SH3GL3: variants seen among roughly 807,000 people sequenced by gnomAD.
SH3GL3 encodes SH3 domain containing GRB2 like 3, endophilin A3.
Under a neutral mutation model 47.7 loss-of-function variants are expected in SH3GL3, and 33 were observed. The ratio of observed to expected loss-of-function variants is 0.69; its 90% CI spans 0.52 to 0.92. SH3GL3 has a LOEUF of 0.92. Ranked by LOEUF, SH3GL3 falls within the 40% of genes least tolerant of loss-of-function variation. The pLI, the probability that SH3GL3 is intolerant of heterozygous loss-of-function variation, is 0.00. For missense variants in SH3GL3, 363 were observed against 417.8 expected (o/e 0.87, Z 1.14); for synonymous variants, 155 against 148.8 (o/e 1.04, Z -0.30).
chr15:83,555,860 T>C (rs888518774), intron 1 of SH3GL3, among the ~76,000 whole-genome samples: 1 of 152,246 alleles, frequency 6.6e-6, no homozygotes, highest in African/African-American at 2.4e-5. Context: ...TTCAACCTTG[T>C]TCATCATGTT....
At chr15:83,544,402 C>T (rs2044308849) in intron 1 of SH3GL3, among the ~76,000 whole-genome samples, 1 of 151,870 alleles carries the variant, frequency 6.6e-6, no homozygotes, top group Non-Finnish European at 1.5e-5. Context: ...AGAATGATTG[C>T]TGAGGAGAAG....
intron 1 of SH3GL3, among the ~76,000 whole-genome samples, chr15:83,473,649 G>C (rs1393325607): frequency 6.6e-6 from 1 of 151,502 alleles, no homozygotes; most frequent in Non-Finnish European, 1.5e-5. Flanking sequence ...CTGGGTTCAC[G>C]CCATTCTCCT....
At chr15:83,477,888 C>T (rs776711353) in intron 1 of SH3GL3, among the ~76,000 whole-genome samples, 11 of 152,088 alleles carry the variant, frequency 7.2e-5, no homozygotes, top group Non-Finnish European at 1.3e-4. Flanking sequence ...ACAAATATTA[C>T]TGGATTTATT....
intron 6 of SH3GL3, among the ~76,000 whole-genome samples, chr15:83,577,478 G>A (rs997404281): frequency 6.6e-6 from 1 of 152,102 alleles, no homozygotes; most frequent in Non-Finnish European, 1.5e-5. Flanking sequence ...GTGACTCACT[G>A]CAGCCTCGAC....
At chr15:83,617,454 ATC>A (rs1319377132) in intron 8 of SH3GL3, among the ~76,000 whole-genome samples, 14 of 152,202 alleles carry the variant, frequency 9.2e-5, no homozygotes, top group African/African-American at 3.4e-4. Context: ...AGGTGAGCAG[ATC>A]ACTTAAGGCC....
downstream of SH3GL3, among the ~76,000 whole-genome samples, chr15:83,623,196 A>G (rs1219833813): frequency 6.6e-6 from 1 of 152,208 alleles, no homozygotes; most frequent in Non-Finnish European, 1.5e-5. Context: ...CTTCTCTCAT[A>G]AGATCGTGCT....
intron 6 of SH3GL3, among the ~76,000 whole-genome samples, chr15:83,586,462 G>C (rs146026430): frequency 5.9e-5 from 9 of 152,146 alleles, no homozygotes; most frequent in Non-Finnish European, 1.2e-4. Flanking sequence ...ACGCATAGAG[G>C]GGACAGGGAA....
At chr15:83,520,403 T>C (rs2043156380) in intron 1 of SH3GL3, among the ~76,000 whole-genome samples, 1 of 152,214 alleles carries the variant, frequency 6.6e-6, no homozygotes, top group Admixed American at 6.5e-5. Context: ...CTGTCTCCCC[T>C]AAGGTGTAAT....
At chr15:83,533,378 G>A (rs564918441) in intron 1 of SH3GL3, among the ~76,000 whole-genome samples, 149 of 152,278 alleles carry the variant, frequency 9.8e-4, no homozygotes, top group African/African-American at 3.5e-3. Flanking sequence ...CTTTTCTATT[G>A]TAAAATGGCA....
chr15:83,577,751 GTC>G (rs1358493775), intron 6 of SH3GL3, among the ~76,000 whole-genome samples: 2 of 152,178 alleles, frequency 1.3e-5, no homozygotes, highest in Admixed American at 6.5e-5. Context: ...TTCAGAGGTT[GTC>G]TCTGAAGATT....
chr15:83,565,213 T>A lies in SH3GL3; in HGVS notation c.187+7T>A. On this transcript the variant is annotated splice_region_variant and intron_variant, in intron 3 of 8. Transcript: ENST00000427482. The stretch of plus-strand genomic sequence containing the variant: ...TATCTTCAGCCAAATCCAGGTAAAG[T>A]TGAAATATTCTCTTGTTCATTTGCT... The A allele has an allele frequency of 6.6e-7, 1 of 1,510,576 alleles. No individual in the cohort carries two copies. The highest frequency in any genetic ancestry group is 9.2e-7 in the Non-Finnish European group (1 of 1,087,872). 93.6% of individuals were successfully genotyped at this position (1,510,576 alleles called of 1,614,324 possible).
chr15:83,519,769 G>A (rs534149234), intron 1 of SH3GL3, among the ~76,000 whole-genome samples: 13 of 152,022 alleles, frequency 8.6e-5, no homozygotes, highest in African/African-American at 2.2e-4. Flanking sequence ...CTTCTTTTCC[G>A]TATATGGTAA....
intron 6 of SH3GL3, among the ~76,000 whole-genome samples, chr15:83,578,860 G>C (rs1368650580): frequency 6.6e-6 from 1 of 152,008 alleles, no homozygotes; most frequent in Non-Finnish European, 1.5e-5. Context: ...CTCCTTGTTG[G>C]GCCATATGGA....
At chr15:83,548,417 A>G (rs2044509424) in intron 1 of SH3GL3, among the ~76,000 whole-genome samples, 1 of 150,496 alleles carries the variant, frequency 6.6e-6, no homozygotes, top group African/African-American at 2.4e-5. Context: ...AAATGTGTAT[A>G]TATATAATAC....
chr15:83,509,267 C>T (rs930107063), intron 1 of SH3GL3, among the ~76,000 whole-genome samples: 3 of 152,200 alleles, frequency 2.0e-5, no homozygotes, highest in African/African-American at 4.8e-5. Context: ...CCTCATCTCA[C>T]GGAGTGAGGG....
At position 83,447,648 on chromosome 15, in the gene SH3GL3, C is replaced by A; in HGVS notation, c.45+70C>A. On this transcript the variant is annotated intron_variant, in intron 1 of 8. Coordinates refer to ENST00000427482, the MANE Select transcript of SH3GL3 (RefSeq NM_003027.5). The surrounding 1 kb of genome is among the most constrained non-coding windows in gnomAD (Gnocchi z 5.1). ...CTGCGGCCCCCCGAGGCTCCCGGGC[C>A]TTTGGGACTCCTGTTCCCTGAAGGG... 1 of 1,157,192 alleles carries A rather than the reference C, an allele frequency of 8.6e-7. No individual in the cohort carries two copies. Among genetic ancestry groups the A allele is most frequent in the African/African-American group, 1.6e-5 (1 of 62,006 alleles). 71.7% of individuals were successfully genotyped at this position (1,157,192 alleles called of 1,614,324 possible).
At chr15:83,510,002 G>A (rs1361129587) in intron 1 of SH3GL3, among the ~76,000 whole-genome samples, 1 of 152,060 alleles carries the variant, frequency 6.6e-6, no homozygotes, top group Non-Finnish European at 1.5e-5. Context: ...TGCTAGATTC[G>A]AAGCGAATAT....
intron 1 of SH3GL3, among the ~76,000 whole-genome samples, chr15:83,557,990 TC>T (rs199745838): frequency 0.033 from 5,000 of 152,312 alleles, 111 homozygotes; most frequent in Non-Finnish European, 0.05. Context: ...CTTATATTTT[TC>T]CTATTAAATA....
In SH3GL3 at chr15:83,587,019, G is replaced by A. The variant is rs1408190657; in HGVS notation, c.661G>A (p.Ala221Thr). 1 of 1,610,460 alleles carries A rather than the reference G, an allele frequency of 6.2e-7. No homozygotes were observed. Among genetic ancestry groups the A allele is most frequent in the Non-Finnish European group, 8.5e-7 (1 of 1,178,498 alleles). Residue 221 changes from alanine (A) to threonine (T), a missense_variant, in exon 7 of 9, where the codon GCA (alanine) becomes ACA (threonine). Physicochemically the swap from Ala to Thr is moderately conservative, Grantham distance 58. Coordinates refer to ENST00000427482, the MANE Select transcript of SH3GL3 (RefSeq NM_003027.5). Reference protein sequence around the residue: ...QVSQLAVFIEAALDYHRQSTE... With the variant: ...QVSQLAVFIETALDYHRQSTE... Reference sequence around the variant, plus strand: ...CAGCCAGTTGGCTGTGTTCATAGAGGCAGCATTAGACTATCACAGACAGTC... The same window carrying A: ...CAGCCAGTTGGCTGTGTTCATAGAGACAGCATTAGACTATCACAGACAGTC...
Sources: gnomAD v4.1 joint callset for allele counts (sites outside exome capture counted in the v4.1 genomes callset) on GRCh38, gnomAD v4.1.1 for gene constraint, Gnocchi (gnomAD v3.1) non-coding constraint, MANE v1.5 for transcripts, NCBI Gene and HGNC (gene_info 2026-07-23, HGNC 2026-07-21) for gene names.